ELAVL4: variants seen among roughly 807,000 people sequenced by gnomAD.
ELAVL4 encodes ELAV like RNA binding protein 4.
Under a neutral mutation model 35.6 loss-of-function variants are expected in ELAVL4, and 1 was observed. The observed-to-expected ratio is 0.03, with a 90% CI of 0.01 to 0.13. The LOEUF is 0.13. Among genes scored for constraint, ELAVL4 ranks in the 10% least tolerant of loss-of-function variants. The pLI is 1.00. For synonymous variants in ELAVL4, 156 were observed against 171.0 expected (o/e 0.91, Z 0.69); for missense variants, 267 against 464.9 (o/e 0.57, Z 3.91).
At chr1:50,135,084 C>T (rs575903710) in intron 1 of ELAVL4, among the ~76,000 whole-genome samples, 76 of 152,050 alleles carry the variant, frequency 5.0e-4, no homozygotes, top group Middle Eastern at 3.4e-3. Flanking sequence ...GTATTAATGC[C>T]TCTTGTTCTC....
chr1:50,177,186 C>T lies in ELAVL4; in HGVS notation c.348C>T (p.Thr116=), dbSNP rs754573009. 6.2e-7 allele frequency: 1 copy of T among 1,612,948 alleles called. No individual in the cohort carries two copies. Among genetic ancestry groups the T allele is most frequent in the South Asian group, 1.1e-5 (1 of 90,994 alleles). ...ATGGACTCAGACTCCAGACCAAAACCATAAAGGTAAGAGGTGATGTGCTGG... is the reference window on the plus strand; with the variant it reads ...ATGGACTCAGACTCCAGACCAAAACTATAAAGGTAAGAGGTGATGTGCTGG... ...TLNGLRLQTK[T]IKVSYARPSS... The change falls in exon 3 of 7, where the codon ACC becomes ACT. Residue 116 remains threonine, a synonymous_variant. Coordinates refer to ENST00000371824, the MANE Select transcript of ELAVL4 (RefSeq NM_001144774.3).
At chr1:50,149,299 G>T (rs1674308478) in intron 2 of ELAVL4, among the ~76,000 whole-genome samples, 1 of 151,754 alleles carries the variant, frequency 6.6e-6, no homozygotes, top group Non-Finnish European at 1.5e-5. Context: ...TCGGGAGGCT[G>T]AGGCAGGAGA....
At chr1:50,179,920 T>TCTG (rs1290579602) in intron 3 of ELAVL4, 2 of 152,186 alleles carry the variant, frequency 1.3e-5, no homozygotes, top group Non-Finnish European at 2.9e-5. Flanking sequence ...AGACAGCTAT[T>TCTG]CTGCTGCTGC....
At chr1:50,123,279 A>T (rs1183308458) in intron 1 of ELAVL4, among the ~76,000 whole-genome samples, 1 of 152,052 alleles carries the variant, frequency 6.6e-6, no homozygotes, top group South Asian at 2.1e-4. Flanking sequence ...ATCCAGCCCA[A>T]TTCAGCAAAT....
At chr1:50,083,758 C>T (rs752924842) in intron 1 of ELAVL4, among the ~76,000 whole-genome samples, 1 of 152,120 alleles carries the variant, frequency 6.6e-6, no homozygotes, top group Non-Finnish European at 1.5e-5. Context: ...GAAAAGAATG[C>T]TTACTGTGAA....
chr1:50,156,773 G>C (rs1346751411), intron 2 of ELAVL4, among the ~76,000 whole-genome samples: 1 of 152,196 alleles, frequency 6.6e-6, no homozygotes, highest in Non-Finnish European at 1.5e-5. Context: ...ACCCATGTCT[G>C]TCTGCCAGCT....
At chr1:50,048,084 A>T in exon 1 of ELAVL4, 2 of 1,414,728 alleles carry the variant, frequency 1.4e-6, no homozygotes, top group Non-Finnish European at 1.9e-6. Flanking sequence ...GAGCGGTGAG[A>T]CTCTGCGGAC....
intron 1 of ELAVL4, among the ~76,000 whole-genome samples, chr1:50,081,022 A>C (rs1296740888): frequency 6.6e-6 from 1 of 152,196 alleles, no homozygotes; most frequent in Non-Finnish European, 1.5e-5. Context: ...GAAGAACCAG[A>C]ATCTTTTGAT....
intron 3 of ELAVL4, among the ~76,000 whole-genome samples, chr1:50,185,858 G>A (rs984121941): frequency 1.3e-5 from 2 of 152,104 alleles, no homozygotes; most frequent in Non-Finnish European, 1.5e-5. Context: ...GCTTCCAGCT[G>A]GCCACAGTAA....
upstream of ELAVL4, among the ~76,000 whole-genome samples, chr1:50,107,843 T>A (rs766047393): frequency 6.6e-6 from 1 of 152,166 alleles, no homozygotes; most frequent in East Asian, 1.9e-4. Flanking sequence ...ACTGAAGGCT[T>A]GGTAGTGTAG....
rs779827968 is a variant in ELAVL4 at position 50,195,664 on chromosome 1, G to T, written c.612G>T (p.Pro204=). Reference sequence around the variant, plus strand: ...AGAAGCCCAGCGGTGCTACGGAACCGATTACTGTGAAGTTTGCCAACAACC... The same window carrying T: ...AGAAGCCCAGCGGTGCTACGGAACCTATTACTGTGAAGTTTGCCAACAACC... ...NGQKPSGATE[P]ITVKFANNPS... Residue 204 remains proline, a synonymous_variant, in exon 5 of 7, where the codon CCG becomes CCT. Transcript: ENST00000371824. 3 of 1,614,154 alleles carry T rather than the reference G, an allele frequency of 1.9e-6. No homozygotes were observed. The East Asian group carries it at 6.7e-5, about 36-fold the overall frequency.
At chr1:50,197,547 C>T (rs1644133198) in intron 6 of ELAVL4, 80 bp downstream of exon 6, 1 of 1,279,544 alleles carries the variant, frequency 7.8e-7, no homozygotes, top group Non-Finnish European at 1.0e-6. Flanking sequence ...AATTCACTAA[C>T]TTTACTTTAA....
At chr1:50,121,387 C>T (rs1669007832) in intron 1 of ELAVL4, among the ~76,000 whole-genome samples, 1 of 151,802 alleles carries the variant, frequency 6.6e-6, no homozygotes, top group Non-Finnish European at 1.5e-5. Context: ...TTTATTGGGT[C>T]TCGACCGGCA....
intron 1 of ELAVL4, among the ~76,000 whole-genome samples, chr1:50,119,013 AAAAG>A (rs1484709420): frequency 6.7e-6 from 1 of 148,680 alleles, no homozygotes; most frequent in Non-Finnish European, 1.5e-5. Context: ...AGAAAGAAAG[AAAAG>A]AAAGGAAAGA....
upstream of ELAVL4, among the ~76,000 whole-genome samples, chr1:50,105,410 G>GTGTTT (rs921035443): frequency 2.6e-5 from 4 of 152,178 alleles, no homozygotes; most frequent in Non-Finnish European, 5.9e-5. Flanking sequence ...ATTTGTGGCA[G>GTGTTT]TGTTTTGTTT....
rs192353942 is a variant in ELAVL4 at position 50,065,696 on chromosome 1, G to A, written c.18+17514G>A. Among the ~76,000 whole-genome samples, 5 of 152,230 alleles carry A rather than the reference G, an allele frequency of 3.3e-5. No homozygotes were observed. The East Asian group carries it at 9.6e-4, about 29-fold the overall frequency. On this transcript the variant is annotated intron_variant, in intron 1 of 6. Coordinates refer to the ELAVL4 transcript ENST00000448907. The stretch of plus-strand genomic sequence containing the variant: ...CATGCAATGGTTTGAAACAGTGAAT[G>A]TTTATTATTGCTCATGAGTCTACAA...
At chr1:50,113,396 G>C (rs1302518472) in intron 1 of ELAVL4, among the ~76,000 whole-genome samples, 2 of 152,022 alleles carry the variant, frequency 1.3e-5, no homozygotes, top group Non-Finnish European at 2.9e-5. Context: ...CAAATTGTCT[G>C]TATGTACCTC....
chr1:50,083,633 G>T (rs1302321073), intron 1 of ELAVL4, among the ~76,000 whole-genome samples: 2 of 152,086 alleles, frequency 1.3e-5, no homozygotes. Context: ...CATAAAATTT[G>T]GGGAGAAAAC....
intron 2 of ELAVL4, among the ~76,000 whole-genome samples, chr1:50,162,361 C>T (rs377733002): frequency 1.3e-5 from 2 of 152,100 alleles, no homozygotes; most frequent in South Asian, 2.1e-4. Context: ...CTCACGCGCC[C>T]GCCCTTAAGG....
Sources: allele counts gnomAD v4.1 joint callset (sites outside exome capture counted in the v4.1 genomes callset), GRCh38; gene constraint gnomAD v4.1.1; transcripts MANE v1.5; gene names NCBI Gene and HGNC (gene_info 2026-07-23, HGNC 2026-07-21).